The following STEAP1B variants were observed in gnomAD, a reference collection of about 807,000 sequenced individuals.
STEAP1B encodes the protein STEAP family protein MGC87042.
STEAP1B carries 13 observed loss-of-function variants against 27.9 expected under a neutral mutation model. That is an observed-to-expected ratio of 0.47 (90% CI 0.30 to 0.74). STEAP1B has a LOEUF of 0.74. Among genes scored for constraint, STEAP1B ranks in the 30% least tolerant of loss-of-function variants. The pLI, the probability that STEAP1B is intolerant of heterozygous loss-of-function variation, is 0.06. For synonymous variants in STEAP1B, 86 were observed against 107.1 expected, an observed-to-expected ratio of 0.80 and a Z score of 1.22; for missense variants, 250 against 298.7, an observed-to-expected ratio of 0.84 and a Z score of 1.20.
At chr7:22,443,251 A>C (rs1330108164) in intron 4 of STEAP1B, among the ~76,000 whole-genome samples, 1 of 152,236 alleles carries the variant, frequency 6.6e-6, no homozygotes, top group Non-Finnish European at 1.5e-5. Flanking sequence ...TCCTTTTTAA[A>C]GACCCAGAGA....
In STEAP1B at chr7:22,493,697, A is replaced by C. The variant is rs750363675; in HGVS notation, c.224T>G (p.Ile75Ser). ...QELFPQWHLP[I>S]KIAAVMASLT... ...AGATGCCATAACAGCAGCTATTTTA[A>C]TTGGCAAGTGCCACTGTGGAAAGAG... is the stretch of plus-strand genomic sequence containing the variant. Residue 75 changes from isoleucine (I) to serine (S), a missense_variant, in exon 3 of 5, where the codon ATT (isoleucine) becomes AGT (serine). Coordinates refer to ENST00000678116, the MANE Select transcript of STEAP1B (RefSeq NM_001382447.1). The C allele has an allele frequency of 6.2e-6, 10 of 1,613,894 alleles. No homozygotes were observed. In the East Asian group the frequency reaches 2.2e-4, roughly 36 times the overall value.
Position 22,471,893 on chromosome 7 carries a change from C to CAAA in STEAP1B, c.762+20669_762+20671dup, listed in dbSNP as rs59453902. ...ACTCCCGCCTGGGCAAACCTGTCTC[C>CAAA]AAAAAAAAAAAAAAAAAAAAAAAAA... On this transcript the variant is annotated intron_variant, in intron 4 of 4. Coordinates refer to ENST00000678116, the MANE Select transcript of STEAP1B (RefSeq NM_001382447.1). 8.4e-3 allele frequency among the ~76,000 whole-genome samples: 505 copies of CAAA among 59,908 alleles called. 3 individuals are homozygous for CAAA. The highest frequency in any genetic ancestry group is 0.032 in the East Asian group (59 of 1,822). The allele number at this position is 59,908 out of a possible 152,430, so 39.3% of individuals were successfully genotyped here.
At chr7:22,484,282 G>C (rs887643762) in intron 4 of STEAP1B, among the ~76,000 whole-genome samples, 1 of 152,206 alleles carries the variant, frequency 6.6e-6, no homozygotes, top group Non-Finnish European at 1.5e-5. Context: ...ATTCTTGTTA[G>C]GGGTTAATGC....
intron 4 of STEAP1B, among the ~76,000 whole-genome samples, chr7:22,484,101 C>T (rs1289607400): frequency 6.6e-6 from 1 of 152,226 alleles, no homozygotes; most frequent in Non-Finnish European, 1.5e-5. Context: ...CAAGGTGAAG[C>T]AGCAAGTACT....
intron 4 of STEAP1B, among the ~76,000 whole-genome samples, chr7:22,456,972 A>ATATATATATATATTTT: frequency 3.5e-5 from 2 of 57,046 alleles, no homozygotes; most frequent in African/African-American, 1.4e-4. Context: ...ATATATATAT[A>ATATATATATATATTTT]TTTTTTTTTT....
chr7:22,426,103 G>C (rs950868110), intron 4 of STEAP1B, among the ~76,000 whole-genome samples: 3 of 152,198 alleles, frequency 2.0e-5, no homozygotes, highest in Non-Finnish European at 1.5e-5. Flanking sequence ...TACTGCCCTG[G>C]AGGTCAGAAA....
chr7:22,466,037 C>A (rs755068562), intron 4 of STEAP1B, among the ~76,000 whole-genome samples: 1 of 152,196 alleles, frequency 6.6e-6, no homozygotes, highest in African/African-American at 2.4e-5. Flanking sequence ...AACACACATT[C>A]AGGTGTGTGT....
At chr7:22,481,850 T>A (rs1332804726) in intron 4 of STEAP1B, among the ~76,000 whole-genome samples, 2 of 152,196 alleles carry the variant, frequency 1.3e-5, no homozygotes, top group African/African-American at 4.8e-5. Flanking sequence ...CTAAAGTCAA[T>A]GAGGTAACAT....
chr7:22,473,883 C>T (rs921313653), intron 4 of STEAP1B, among the ~76,000 whole-genome samples: 9 of 152,126 alleles, frequency 5.9e-5, no homozygotes, highest in African/African-American at 9.7e-5. Context: ...AGTAAAGTCC[C>T]GTTCCGCTGC....
chr7:22,450,278 A>T (rs1158792098), intron 4 of STEAP1B, among the ~76,000 whole-genome samples: 1 of 152,202 alleles, frequency 6.6e-6, no homozygotes, highest in African/African-American at 2.4e-5. Flanking sequence ...AGTTTCTTCA[A>T]TGTTTCTTTG....
intron 4 of STEAP1B, among the ~76,000 whole-genome samples, chr7:22,453,138 A>G (rs1162221570): frequency 1.3e-5 from 2 of 152,154 alleles, no homozygotes; most frequent in African/African-American, 4.8e-5. Context: ...GTGCCAACCA[A>G]CTGCGACAGG....
chr7:22,454,866 T>TGTATATATA lies in STEAP1B; in HGVS notation c.763-35031_763-35030insTATATATAC, dbSNP rs58504014. Among the ~76,000 whole-genome samples, 124 of 57,110 alleles carry TGTATATATA rather than the reference T, an allele frequency of 2.2e-3. 1 individual carries two copies. Among genetic ancestry groups the TGTATATATA allele is most frequent in the African/African-American group, 8.0e-3 (114 of 14,236 alleles). The allele number at this position is 57,110 out of a possible 152,430, so 37.5% of individuals were successfully genotyped here. On this transcript the variant is annotated intron_variant, in intron 4 of 4. Transcript: ENST00000678116. Reference sequence around the variant, plus strand: ...ATATATATGTATATATATATATATATTTTTTTTTTTTTTTGAGACAGAGTC... The same window carrying TGTATATATA: ...ATATATATGTATATATATATATATATGTATATATATTTTTTTTTTTTTTGAGACAGAGTC...
intron 4 of STEAP1B, among the ~76,000 whole-genome samples, chr7:22,440,294 T>C (rs1348340152): frequency 6.6e-6 from 1 of 152,196 alleles, no homozygotes; most frequent in Non-Finnish European, 1.5e-5. Context: ...TGGATCAATT[T>C]CTATTCTGTA....
intron 4 of STEAP1B, among the ~76,000 whole-genome samples, chr7:22,479,133 T>C (rs1786022793): frequency 6.6e-6 from 1 of 152,144 alleles, no homozygotes; most frequent in Admixed American, 6.5e-5. Flanking sequence ...CAAGGAGAAA[T>C]GAAGTCATCC....
At chr7:22,490,005 A>G (rs1317106799) in intron 4 of STEAP1B, among the ~76,000 whole-genome samples, 1 of 152,204 alleles carries the variant, frequency 6.6e-6, no homozygotes, top group Non-Finnish European at 1.5e-5. Flanking sequence ...CTTGAATTCT[A>G]TACTTCCTAT....
intron 4 of STEAP1B, among the ~76,000 whole-genome samples, chr7:22,469,193 T>C (rs533708140): frequency 3.3e-5 from 5 of 152,264 alleles, no homozygotes; most frequent in African/African-American, 1.2e-4. Context: ...ATGTGTATGT[T>C]TGTATCTTCA....
At chr7:22,463,903 C>G (rs1189359021) in intron 4 of STEAP1B, among the ~76,000 whole-genome samples, 2 of 151,428 alleles carry the variant, frequency 1.3e-5, no homozygotes, top group Non-Finnish European at 2.9e-5. Context: ...TGGGCAAGGA[C>G]TTCATGTCTA....
chr7:22,437,249 C>G (rs1423370570), intron 4 of STEAP1B, among the ~76,000 whole-genome samples: 1 of 152,172 alleles, frequency 6.6e-6, no homozygotes, highest in Admixed American at 6.5e-5. Flanking sequence ...CCCACTAGTA[C>G]CTCTCCATTT....
At position 22,492,559 on chromosome 7, in the gene STEAP1B, A is replaced by G. The variant is rs1786346715; in HGVS notation, c.762+6T>C. On this transcript the variant is annotated splice_donor_region_variant and intron_variant, in intron 4 of 4. Coordinates refer to ENST00000678116, the MANE Select transcript of STEAP1B (RefSeq NM_001382447.1). ...ACCTCTTAGGGTTATTTTATATATT[A>G]TTTACCTGAATATAGTGAAATTCTC... 1.3e-6 allele frequency: 2 copies of G among 1,584,630 alleles called. No homozygotes were observed. Among genetic ancestry groups the G allele is most frequent in the South Asian group, 2.4e-5 (2 of 84,612 alleles).
Sources: allele counts gnomAD v4.1 joint callset (sites outside exome capture counted in the v4.1 genomes callset), GRCh38; gene constraint gnomAD v4.1.1; transcripts MANE v1.5; gene names NCBI Gene and HGNC (gene_info 2026-07-23, HGNC 2026-07-21).